The following PXDNL variants were observed in gnomAD, a reference collection of about 807,000 sequenced individuals.
The protein encoded by PXDNL is peroxidasin like, also known as probable oxidoreductase PXDNL.
In PXDNL, 145 loss-of-function variants were observed where a neutral mutation model predicts 150.8. That is an observed-to-expected ratio of 0.96 (90% confidence interval 0.84 to 1.10). The LOEUF (loss-of-function observed/expected upper bound fraction) is 1.10, where lower values mean the gene tolerates loss of function less well. Among genes scored for constraint, PXDNL ranks in the 50% least tolerant of loss-of-function variants. The pLI, the probability that PXDNL is intolerant of heterozygous loss-of-function variation, is 0.00. For synonymous variants in PXDNL, 757 were observed against 725.7 expected (o/e 1.04, Z -0.69); for missense variants, 2,087 against 1,873.9 (o/e 1.11, Z -2.10).
chr8:51,651,402 A>C (rs1441619741), intron 2 of PXDNL, among the ~76,000 whole-genome samples: 2 of 152,142 alleles, frequency 1.3e-5, no homozygotes, highest in Admixed American at 1.3e-4. Flanking sequence ...GAAATTTTCA[A>C]AATAAAACGT....
intron 1 of PXDNL, among the ~76,000 whole-genome samples, chr8:51,781,238 A>G (rs966510549): frequency 6.6e-5 from 10 of 152,184 alleles, no homozygotes; most frequent in African/African-American, 2.4e-4. Flanking sequence ...TGTTTTCTAC[A>G]GTGAAAAAGC....
chr8:51,399,802 T>C (rs2130860039), intron 17 of PXDNL, among the ~76,000 whole-genome samples: 1 of 152,362 alleles, frequency 6.6e-6, no homozygotes, highest in East Asian at 1.9e-4. Flanking sequence ...CGAAATGCAT[T>C]AAATTGCATT....
intron 2 of PXDNL, among the ~76,000 whole-genome samples, chr8:51,647,961 T>C (rs551277837): frequency 6.6e-6 from 1 of 152,344 alleles, no homozygotes; most frequent in South Asian, 2.1e-4. Context: ...TATTGAATAT[T>C]TGATTCTTAG....
intron 1 of PXDNL, among the ~76,000 whole-genome samples, chr8:51,786,545 C>A (rs928583248): frequency 2.0e-5 from 3 of 152,054 alleles, no homozygotes; most frequent in African/African-American, 7.2e-5. Flanking sequence ...ACCCCCACCC[C>A]CATGCCCACC....
At chr8:51,767,969 T>C (rs944175637) in intron 1 of PXDNL, among the ~76,000 whole-genome samples, 1 of 152,240 alleles carries the variant, frequency 6.6e-6, no homozygotes, top group African/African-American at 2.4e-5. Context: ...TGACAATCAT[T>C]GTTCTTTGTT....
intron 19 of PXDNL, among the ~76,000 whole-genome samples, chr8:51,367,860 G>T (rs2130772058): frequency 6.6e-6 from 1 of 152,348 alleles, no homozygotes; most frequent in African/African-American, 2.4e-5. Context: ...GGGTGCAGTG[G>T]CTCATGCCTG....
chr8:51,493,284 G>A (rs892746276), intron 5 of PXDNL, among the ~76,000 whole-genome samples: 3 of 151,956 alleles, frequency 2.0e-5, no homozygotes, highest in East Asian at 1.9e-4. Flanking sequence ...CCATCTGTAC[G>A]TCACCATCAT....
intron 10 of PXDNL, among the ~76,000 whole-genome samples, chr8:51,450,753 G>A (rs1221008876): frequency 6.6e-6 from 1 of 152,048 alleles, no homozygotes; most frequent in Non-Finnish European, 1.5e-5. Flanking sequence ...AAGTCAAGCT[G>A]GAAAACAGCC....
At position 51,457,571 on chromosome 8, in the gene PXDNL, A is replaced by G. The variant is rs1809964231; in HGVS notation, c.909T>C (p.Tyr303=). The G allele has an allele frequency of 1.7e-5, 27 of 1,613,798 alleles. No homozygotes were observed. Among genetic ancestry groups the G allele is most frequent in the African/African-American group, 2.7e-5 (2 of 74,934 alleles). Residue 303 remains tyrosine, a synonymous_variant, in exon 9 of 23, where the codon TAT becomes TAC. Coordinates refer to ENST00000356297, the MANE Select transcript of PXDNL (RefSeq NM_144651.5). ...CAGCGGAATTTCTGGCCATGCACTG[A>G]TAGACACCTTGGTCTGACTCTCTGG... The part of the protein sequence containing the change: ...RNTRESDQGV[Y]QCMARNSAGE...
intron 1 of PXDNL, among the ~76,000 whole-genome samples, chr8:51,655,545 AG>A (rs988468139): frequency 2.0e-4 from 31 of 152,118 alleles, no homozygotes; most frequent in African/African-American, 5.8e-4. Context: ...CTCTGCCTAG[AG>A]CCCCTCTTTC....
At chr8:51,716,527 A>T (rs1563516356) in intron 1 of PXDNL, among the ~76,000 whole-genome samples, 1 of 152,202 alleles carries the variant, frequency 6.6e-6, no homozygotes, top group Non-Finnish European at 1.5e-5. Flanking sequence ...AGGCTGAATC[A>T]ATGAAAGCCA....
intron 19 of PXDNL, among the ~76,000 whole-genome samples, chr8:51,359,450 C>CA (rs1806641161): frequency 6.7e-6 from 1 of 150,282 alleles, no homozygotes; most frequent in Non-Finnish European, 1.5e-5. Context: ...TGGTCATGGG[C>CA]AAAAAATATA....
intron 1 of PXDNL, among the ~76,000 whole-genome samples, chr8:51,700,073 G>A (rs1435149215): frequency 2.0e-5 from 3 of 152,046 alleles, no homozygotes; most frequent in Non-Finnish European, 2.9e-5. Flanking sequence ...CAGACTTGCT[G>A]GAGGCAGGGT....
chr8:51,502,832 G>A (rs1456586606), intron 4 of PXDNL, among the ~76,000 whole-genome samples: 1 of 152,118 alleles, frequency 6.6e-6, no homozygotes, highest in African/African-American at 2.4e-5. Flanking sequence ...GAAGTAGAAA[G>A]ACAGCTTTCG....
At chr8:51,494,136 A>C (rs1398745007) in intron 5 of PXDNL, among the ~76,000 whole-genome samples, 1 of 144,624 alleles carries the variant, frequency 6.9e-6, no homozygotes, top group Non-Finnish European at 1.5e-5. Context: ...CAACATTCTT[A>C]AAGAAAAGAA....
rs1554541980 is a variant in PXDNL at position 51,453,908 on chromosome 8, C to CACAT, written c.983-124_983-123insATGT. On this transcript the variant is annotated intron_variant, in intron 9 of 22. Transcript: ENST00000356297. ...AATTCCTTTAAACTAAAATATTACACATATATATATATACACATTTAATTC... is the reference window on the plus strand; with the variant it reads ...AATTCCTTTAAACTAAAATATTACACACATATATATATATATACACATTTAATTC... 5.8e-4 allele frequency: 455 copies of CACAT among 783,414 alleles called. No individual in the cohort carries two copies. The African/African-American group carries it at 6.8e-3, about 12-fold the overall frequency. 48.5% of individuals were successfully genotyped at this position (783,414 alleles called of 1,614,324 possible).
At chr8:51,378,856 C>T (rs1474558203) in intron 17 of PXDNL, among the ~76,000 whole-genome samples, 1 of 151,908 alleles carries the variant, frequency 6.6e-6, no homozygotes, top group African/African-American at 2.4e-5. Context: ...TGAACATGTT[C>T]GAACATCAGA....
chr8:51,452,937 C>CACATACACACACACACACACAA lies in PXDNL; in HGVS notation c.1249+581_1249+582insTTGTGTGTGTGTGTGTGTATGT, dbSNP rs1554541855. Among the ~76,000 whole-genome samples, 475 of 149,922 alleles carry CACATACACACACACACACACAA rather than the reference C, an allele frequency of 3.2e-3. 3 individuals are homozygous for CACATACACACACACACACACAA. Among genetic ancestry groups the CACATACACACACACACACACAA allele is most frequent in the African/African-American group, 9.5e-3 (385 of 40,448 alleles). On this transcript the variant is annotated intron_variant, in intron 10 of 22. Transcript: ENST00000356297. ...ACACACACAAACGCACACACACAAA[C>CACATACACACACACACACACAA]ACACACACACACACACACATGCACG...
At chr8:51,321,920 C>T (rs1805329265) in intron 21 of PXDNL, among the ~76,000 whole-genome samples, 1 of 151,408 alleles carries the variant, frequency 6.6e-6, no homozygotes. Context: ...CCGTAATCCC[C>T]AATGTGACTA....
Sources: allele counts gnomAD v4.1 joint callset (sites outside exome capture counted in the v4.1 genomes callset), GRCh38; gene constraint gnomAD v4.1.1; transcripts MANE v1.5; gene names NCBI Gene and HGNC (gene_info 2026-07-23, HGNC 2026-07-21).